The following ABHD18 variants were observed in gnomAD, a reference collection of about 807,000 sequenced individuals.
The protein encoded by ABHD18 is abhydrolase domain containing 18.
A neutral mutation model predicts 65.9 loss-of-function variants in ABHD18; 55 were observed. That is an observed-to-expected ratio of 0.84 (90% CI 0.67 to 1.05). The LOEUF (loss-of-function observed/expected upper bound fraction) is 1.05. Ranked by LOEUF, ABHD18 falls within the 50% of genes least tolerant of loss-of-function variation. The probability of loss-of-function intolerance (pLI) is 0.00; values close to 1 mark genes in which losing one functional copy is unlikely to be tolerated. For missense variants in ABHD18, 533 were observed against 558.5 expected (o/e 0.95, Z 0.46); for synonymous variants, 181 against 180.2 (o/e 1.00, Z -0.04).
intron 1 of ABHD18, among the ~76,000 whole-genome samples, chr4:127,973,873 A>G (rs1281941258): frequency 6.7e-6 from 1 of 149,948 alleles, no homozygotes; most frequent in African/African-American, 2.4e-5. Context: ...ACAGCCACAC[A>G]CAAAAAAAAT....
chr4:128,031,323 G>A, intron 12 of ABHD18: 1 of 162,594 alleles, frequency 6.2e-6, no homozygotes, highest in Non-Finnish European at 1.3e-5. Flanking sequence ...AAAAGTAGCC[G>A]GGCATAGGTG....
chr4:127,991,127 T>C (rs1412577010), intron 4 of ABHD18, among the ~76,000 whole-genome samples: 1 of 152,148 alleles, frequency 6.6e-6, no homozygotes, highest in African/African-American at 2.4e-5. Context: ...CCTCCCAAAG[T>C]GCTGAGATTA....
At chr4:128,002,227 A>G (rs1397707094) in intron 4 of ABHD18, among the ~76,000 whole-genome samples, 2 of 151,348 alleles carry the variant, frequency 1.3e-5, no homozygotes, top group Admixed American at 6.6e-5. Context: ...GTGAGCCAAG[A>G]TCGTGACACT....
At chr4:128,007,679 T>C (rs1414536812) in intron 4 of ABHD18, among the ~76,000 whole-genome samples, 2 of 150,056 alleles carry the variant, frequency 1.3e-5, no homozygotes, top group South Asian at 2.1e-4. Flanking sequence ...AAGTTAAGGC[T>C]GCAGTGAGCT....
At chr4:128,023,405 A>C (rs999088737) in intron 10 of ABHD18, among the ~76,000 whole-genome samples, 1 of 11,658 alleles carries the variant, frequency 8.6e-5, no homozygotes, top group Non-Finnish European at 2.0e-4. Context: ...TGTCTCTACA[A>C]AAAAAAAAAA....
intron 4 of ABHD18, among the ~76,000 whole-genome samples, chr4:128,007,945 A>G (rs1433402058): frequency 6.6e-6 from 1 of 152,070 alleles, no homozygotes; most frequent in East Asian, 1.9e-4. Flanking sequence ...TTGCAAAGAG[A>G]AAAAGTCGGA....
At chr4:127,968,011 G>A (rs1389740569) in intron 1 of ABHD18, among the ~76,000 whole-genome samples, 1 of 152,056 alleles carries the variant, frequency 6.6e-6, no homozygotes, top group Admixed American at 6.6e-5. Context: ...CACGAGGTCA[G>A]GAGGTCGAGA....
chr4:128,003,225 G>A (rs1017541732), intron 4 of ABHD18, among the ~76,000 whole-genome samples: 2 of 151,718 alleles, frequency 1.3e-5, no homozygotes, highest in Non-Finnish European at 2.9e-5. Flanking sequence ...AAATTAGCTG[G>A]GCATGGTGGC....
intron 6 of ABHD18, among the ~76,000 whole-genome samples, chr4:128,011,216 T>C (rs1165314146): frequency 1.3e-5 from 2 of 151,574 alleles, no homozygotes; most frequent in Non-Finnish European, 2.9e-5. Context: ...GGCACAATCT[T>C]GGCTCACTGC....
At chr4:127,985,944 T>C (rs576141370) in intron 3 of ABHD18, among the ~76,000 whole-genome samples, 10 of 152,116 alleles carry the variant, frequency 6.6e-5, no homozygotes, top group Non-Finnish European at 1.2e-4. Context: ...GAACCCAGGA[T>C]GCGGAGGTTG....
rs759178814 is a variant in ABHD18 at position 128,030,479 on chromosome 4, T to A, written c.1181-31T>A. The A allele has an allele frequency of 2.1e-6, 3 of 1,436,198 alleles. No individual in the cohort carries two copies. In the African/African-American group the frequency reaches 4.4e-5, roughly 21 times the overall value. 89.0% of individuals were successfully genotyped at this position (1,436,198 alleles called of 1,614,324 possible). ...GGGTTTTTTTATTTTCTAATGTGTATATGTTGAATTTTTAAAAATCCTATA... is the reference window on the plus strand; with the variant it reads ...GGGTTTTTTTATTTTCTAATGTGTAAATGTTGAATTTTTAAAAATCCTATA... On this transcript the variant is annotated intron_variant, in intron 11 of 12. Transcript: ENST00000645843.
intron 3 of ABHD18, among the ~76,000 whole-genome samples, chr4:127,988,552 T>C (rs1172425438): frequency 6.6e-6 from 1 of 152,084 alleles, no homozygotes; most frequent in East Asian, 1.9e-4. Flanking sequence ...TTTTTTAAGT[T>C]GTTTTTAATT....
intron 4 of ABHD18, among the ~76,000 whole-genome samples, chr4:127,994,425 A>G (rs1237292618): frequency 2.0e-5 from 3 of 152,126 alleles, no homozygotes; most frequent in Non-Finnish European, 2.9e-5. Flanking sequence ...GTGAAATCCT[A>G]TCTCTACAAA....
At chr4:127,980,891 C>G (rs1748917471) in intron 1 of ABHD18, among the ~76,000 whole-genome samples, 1 of 150,378 alleles carries the variant, frequency 6.6e-6, no homozygotes, top group African/African-American at 2.4e-5. Context: ...CTATACATAC[C>G]TTCATATTGT....
Position 127,968,327 on chromosome 4 carries a change from T to C in ABHD18, c.-18+2721T>C, listed in dbSNP as rs1340825819. Among the ~76,000 whole-genome samples, 3 of 152,382 alleles carry C rather than the reference T, an allele frequency of 2.0e-5. No individual in the cohort carries two copies. The East Asian group carries it at 5.8e-4, about 29-fold the overall frequency. On this transcript the variant is annotated intron_variant, in intron 1 of 12. Coordinates refer to ENST00000645843, the MANE Select transcript of ABHD18 (RefSeq NM_001358451.3). Reference sequence around the variant, plus strand: ...GAAGTAGATTTTAACAGTGGATATCTGAGGTATCTAAACCCTTTCTTAGCT... The same window carrying C: ...GAAGTAGATTTTAACAGTGGATATCCGAGGTATCTAAACCCTTTCTTAGCT...
At chr4:127,970,049 A>G (rs1368415960) in intron 1 of ABHD18, among the ~76,000 whole-genome samples, 1 of 151,438 alleles carries the variant, frequency 6.6e-6, no homozygotes, top group East Asian at 1.9e-4. Context: ...GCGCCTGGCC[A>G]GGATTTTTTT....
At chr4:128,021,977 C>T (rs548932154) in intron 10 of ABHD18, among the ~76,000 whole-genome samples, 1 of 152,026 alleles carries the variant, frequency 6.6e-6, no homozygotes, top group Admixed American at 6.6e-5. Context: ...AGTTGCCTTC[C>T]GATAGAAAAC....
At chr4:127,981,124 C>T (rs1455063522) in intron 1 of ABHD18, among the ~76,000 whole-genome samples, 1 of 152,098 alleles carries the variant, frequency 6.6e-6, no homozygotes, top group Non-Finnish European at 1.5e-5. Flanking sequence ...TTTCATGTAG[C>T]TATTGGCTTA....
intron 1 of ABHD18, among the ~76,000 whole-genome samples, chr4:127,974,997 C>CAAAAAAAAAAAAAAAAAAAAAAAA: frequency 1.1e-5 from 1 of 88,286 alleles, no homozygotes; most frequent in Non-Finnish European, 2.1e-5. Context: ...AACTGTGTCT[C>CAAAAAAAAAAAAAAAAAAAAAAAA]AAAAAAAAAA....
Sources: allele counts gnomAD v4.1 joint callset (sites outside exome capture counted in the v4.1 genomes callset), GRCh38; gene constraint gnomAD v4.1.1; transcripts MANE v1.5; gene names NCBI Gene and HGNC (gene_info 2026-07-23, HGNC 2026-07-21).